FSIP1: variants seen among roughly 807,000 people sequenced by gnomAD.
FSIP1 encodes fibrous sheath-interacting protein 1.
Under a neutral mutation model 60.9 loss-of-function variants are expected in FSIP1, and 65 were observed. The observed-to-expected ratio is 1.07, with a 90% CI of 0.87 to 1.31. FSIP1 has a LOEUF of 1.31. Among genes scored for constraint, FSIP1 ranks in the 40% most tolerant of loss-of-function variants. The pLI, the probability that FSIP1 is intolerant of heterozygous loss-of-function variation, is 0.00. For synonymous variants in FSIP1, 209 were observed against 221.2 expected (o/e 0.94, Z 0.49); for missense variants, 675 against 665.5 (o/e 1.01, Z -0.16).
intron 2 of FSIP1, among the ~76,000 whole-genome samples, chr15:39,774,121 A>T (rs903474449): frequency 3.3e-5 from 5 of 152,216 alleles, no homozygotes; most frequent in Non-Finnish European, 7.3e-5. Context: ...CCCCAAATTA[A>T]TCTGTAAAGT....
intron 9 of FSIP1, 44 bp from the exon 10 acceptor site, chr15:39,713,625 T>C (rs1314940903): frequency 3.2e-6 from 5 of 1,561,968 alleles, no homozygotes; most frequent in Non-Finnish European, 4.3e-6. Flanking sequence ...AGGCTGGAAA[T>C]GTGCTGTCAC....
chr15:39,773,291 T>C (rs377539651), intron 2 of FSIP1, among the ~76,000 whole-genome samples: 13 of 152,238 alleles, frequency 8.5e-5, no homozygotes, highest in African/African-American at 1.4e-4. Flanking sequence ...CAGCATACAA[T>C]ATATTTGTAG....
intron 10 of FSIP1, among the ~76,000 whole-genome samples, chr15:39,702,006 C>T (rs1895079346): frequency 6.6e-6 from 1 of 152,166 alleles, no homozygotes; most frequent in Non-Finnish European, 1.5e-5. Flanking sequence ...CTTGGCCCTA[C>T]AGGTGGTATG....
At chr15:39,709,877 C>G (rs1200534454) in intron 10 of FSIP1, among the ~76,000 whole-genome samples, 1 of 152,170 alleles carries the variant, frequency 6.6e-6, no homozygotes, top group Non-Finnish European at 1.5e-5. Context: ...AACGAAGCCA[C>G]CCTCACCTGC....
At chr15:39,772,904 TCATGGCTC>T (rs1166090700) in intron 2 of FSIP1, among the ~76,000 whole-genome samples, 1 of 152,132 alleles carries the variant, frequency 6.6e-6, no homozygotes, top group Non-Finnish European at 1.5e-5. Flanking sequence ...CCTCCATTTT[TCATGGCTC>T]CACTTCCCCC....
At chr15:39,747,064 C>T (rs1461392491) in intron 5 of FSIP1, among the ~76,000 whole-genome samples, 1 of 137,710 alleles carries the variant, frequency 7.3e-6, no homozygotes, top group Non-Finnish European at 1.5e-5. Flanking sequence ...TTCTTCCTTC[C>T]TCTTTCCTCC....
chr15:39,656,266 ATTGC>A (rs1893066206), intron 10 of FSIP1, among the ~76,000 whole-genome samples: 1 of 152,198 alleles, frequency 6.6e-6, no homozygotes, highest in Non-Finnish European at 1.5e-5. Flanking sequence ...AGCCTTGAGT[ATTGC>A]ATGGGCCATT....
At chr15:39,725,163 G>A (rs1180487642) in intron 9 of FSIP1, among the ~76,000 whole-genome samples, 3 of 152,122 alleles carry the variant, frequency 2.0e-5, no homozygotes, top group East Asian at 1.9e-4. Flanking sequence ...CCCAGGAGGC[G>A]GAGCTTGCAG....
At chr15:39,737,672 A>T (rs1002269930) in intron 8 of FSIP1, among the ~76,000 whole-genome samples, 11 of 152,272 alleles carry the variant, frequency 7.2e-5, no homozygotes, top group South Asian at 4.1e-4. Context: ...TTAAAAAAAA[A>T]TTTTAACTTG....
At chr15:39,738,921 A>G (rs918135607) in intron 7 of FSIP1, among the ~76,000 whole-genome samples, 2 of 152,222 alleles carry the variant, frequency 1.3e-5, no homozygotes, top group Non-Finnish European at 2.9e-5. Flanking sequence ...TCAGGCTTGA[A>G]GGGTAAAAAA....
intron 10 of FSIP1, among the ~76,000 whole-genome samples, chr15:39,668,625 T>C (rs1205200170): frequency 6.6e-6 from 1 of 152,236 alleles, no homozygotes; most frequent in Non-Finnish European, 1.5e-5. Flanking sequence ...ATTCCTTTTA[T>C]TGCCAGATCA....
At chr15:39,710,680 T>A (rs1159070567) in intron 10 of FSIP1, among the ~76,000 whole-genome samples, 1 of 152,186 alleles carries the variant, frequency 6.6e-6, no homozygotes, top group Admixed American at 6.5e-5. Context: ...AAGGCAGTAA[T>A]AGCATAGTTA....
intron 10 of FSIP1, among the ~76,000 whole-genome samples, chr15:39,667,298 A>G (rs1220051619): frequency 6.6e-6 from 1 of 152,224 alleles, no homozygotes; most frequent in East Asian, 1.9e-4. Context: ...TATCATGAAG[A>G]GTACAAAGCT....
chr15:39,597,940 G>A (rs557123085), downstream of FSIP1: 1 of 152,324 alleles, frequency 6.6e-6, no homozygotes. Flanking sequence ...GGGAGGAGCT[G>A]TCCTTGCAAT....
At chr15:39,751,418 A>AAC (rs3065153) in intron 5 of FSIP1, among the ~76,000 whole-genome samples, 6,071 of 144,790 alleles carry the variant, frequency 0.042, 434 homozygotes, top group East Asian at 0.18. Context: ...GTAATACATA[A>AAC]ACACACACAC....
At chr15:39,714,755 G>C (rs980337887) in intron 9 of FSIP1, among the ~76,000 whole-genome samples, 1 of 151,262 alleles carries the variant, frequency 6.6e-6, no homozygotes, top group African/African-American at 2.4e-5. Context: ...GATCCCTTGA[G>C]CCCAGAAGTT....
intron 10 of FSIP1, among the ~76,000 whole-genome samples, chr15:39,710,291 TG>T (rs1895444603): frequency 2.6e-5 from 4 of 151,918 alleles, no homozygotes; most frequent in Non-Finnish European, 5.9e-5. Context: ...GAGACAAGCC[TG>T]GGAAACAAGG....
chr15:39,744,445 G>A (rs1305883257), intron 5 of FSIP1, among the ~76,000 whole-genome samples: 1 of 152,176 alleles, frequency 6.6e-6, no homozygotes, highest in African/African-American at 2.4e-5. Flanking sequence ...TAAGGACCTA[G>A]AGGACCTGGA....
At chr15:39,675,673 G>A (rs150259697) in intron 10 of FSIP1, among the ~76,000 whole-genome samples, 13 of 152,142 alleles carry the variant, frequency 8.5e-5, no homozygotes, top group African/African-American at 2.6e-4. Context: ...AGGGATCAAC[G>A]TAACAATCAA....
Sources: allele counts gnomAD v4.1 joint callset (sites outside exome capture counted in the v4.1 genomes callset), GRCh38; gene constraint gnomAD v4.1.1; transcripts MANE v1.5; gene names NCBI Gene and HGNC (gene_info 2026-07-23, HGNC 2026-07-21).